Variants in PLB1 observed in about 807,000 individuals in gnomAD.
PLB1 encodes phospholipase B1.
PLB1 carries 242 observed loss-of-function variants against 227.4 expected under a neutral mutation model. The observed-to-expected ratio is 1.06, with a 90% CI of 0.96 to 1.18. The LOEUF (loss-of-function observed/expected upper bound fraction) is 1.18. Ranked by LOEUF, PLB1 falls within the 50% of genes most tolerant of loss-of-function variation. The pLI, the probability that PLB1 is intolerant of heterozygous loss-of-function variation, is 0.00. For missense variants in PLB1, 1,858 were observed against 1,816.3 expected, an observed-to-expected ratio of 1.02 and a Z score of -0.42; for synonymous variants, 757 against 682.2, an observed-to-expected ratio of 1.11 and a Z score of -1.71.
At chr2:28,548,530 T>C (rs1235429472) in intron 14 of PLB1, 1 of 485,508 alleles carries the variant, frequency 2.1e-6, no homozygotes. Flanking sequence ...GGGCCCCACC[T>C]CAACCTCTGC....
chr2:28,611,332 G>T (rs766104114), intron 43 of PLB1, among the ~76,000 whole-genome samples: 2 of 152,132 alleles, frequency 1.3e-5, no homozygotes, highest in African/African-American at 2.4e-5. Flanking sequence ...TTCCAAAAAG[G>T]TCAAGTTTGT....
chr2:28,533,664 G>T (rs370301951), intron 9 of PLB1, among the ~76,000 whole-genome samples: 3 of 152,258 alleles, frequency 2.0e-5, no homozygotes, highest in African/African-American at 7.2e-5. Flanking sequence ...GCAGACATAT[G>T]CTATTGTATT....
chr2:28,559,737 A>G (rs1675729248), intron 17 of PLB1, among the ~76,000 whole-genome samples: 2 of 132,732 alleles, frequency 1.5e-5, no homozygotes, highest in African/African-American at 5.6e-5. Context: ...GCAGGCCTGA[A>G]AGCTTTTTTT....
chr2:28,629,647 G>A (rs1688318780), intron 53 of PLB1, among the ~76,000 whole-genome samples: 1 of 152,206 alleles, frequency 6.6e-6, no homozygotes, highest in Non-Finnish European at 1.5e-5. Context: ...TCCCTGCAAG[G>A]TAGATGTGAG....
At chr2:28,642,065 C>G (rs532200096) in intron 57 of PLB1, among the ~76,000 whole-genome samples, 1 of 152,156 alleles carries the variant, frequency 6.6e-6, no homozygotes, top group Non-Finnish European at 1.5e-5. Flanking sequence ...TGAGAACATC[C>G]GCCTCCCTCC....
chr2:28,637,298 TTAAAAAA>T (rs1458144308), intron 56 of PLB1, among the ~76,000 whole-genome samples: 1 of 121,316 alleles, frequency 8.2e-6, no homozygotes, highest in Non-Finnish European at 1.8e-5. Flanking sequence ...TGTCTCAAAT[TTAAAAAA>T]AAAAAAAAAA....
intron 1 of PLB1, among the ~76,000 whole-genome samples, chr2:28,514,454 T>C (rs903521589): frequency 8.5e-5 from 13 of 152,222 alleles, no homozygotes; most frequent in Admixed American, 2.0e-4. Flanking sequence ...TTAGAATCAG[T>C]TTCTTGATAT....
At chr2:28,515,868 A>C (rs1224944632) in intron 1 of PLB1, among the ~76,000 whole-genome samples, 2 of 152,216 alleles carry the variant, frequency 1.3e-5, no homozygotes, top group Non-Finnish European at 2.9e-5. Flanking sequence ...TAGCTATTGA[A>C]ATAAGCATCA....
chr2:28,566,254 G>GA (rs1371664887), intron 19 of PLB1, among the ~76,000 whole-genome samples: 2 of 151,950 alleles, frequency 1.3e-5, no homozygotes, highest in Non-Finnish European at 2.9e-5. Flanking sequence ...TGGGGTGGGG[G>GA]GGTGTGGAAA....
intron 1 of PLB1, among the ~76,000 whole-genome samples, chr2:28,502,610 A>G (rs1460746969): frequency 6.6e-6 from 1 of 152,126 alleles, no homozygotes; most frequent in Non-Finnish European, 1.5e-5. Context: ...CTTTCCTTAT[A>G]TTGCTAGGCT....
intron 53 of PLB1, 104 bp downstream of exon 53, chr2:28,629,289 C>A: frequency 1.0e-6 from 1 of 992,310 alleles, no homozygotes; most frequent in Non-Finnish European, 1.5e-6. Context: ...GCAGGCCTGC[C>A]AGAGGGTAGA....
intron 46 of PLB1, 89 bp downstream of exon 46, chr2:28,618,488 T>G (rs1005951909): frequency 2.9e-5 from 39 of 1,360,056 alleles, no homozygotes; most frequent in Non-Finnish European, 3.9e-5. Context: ...TTGGCTCCGC[T>G]TTCAGTGCTG....
chr2:28,623,421 A>G (rs1024122850), intron 49 of PLB1, among the ~76,000 whole-genome samples: 3 of 152,198 alleles, frequency 2.0e-5, no homozygotes, highest in Middle Eastern at 3.2e-3. Context: ...CTTATTGCCC[A>G]TGGATTCTCT....
chr2:28,625,222 A>C, intron 50 of PLB1, 114 bp downstream of exon 50: 1 of 999,078 alleles, frequency 1.0e-6, no homozygotes, highest in South Asian at 1.5e-5. Flanking sequence ...TGGGCTAGCC[A>C]AAAGATCCTC....
intron 46 of PLB1, 111 bp from the exon 47 acceptor site, chr2:28,620,154 T>C: frequency 1.5e-6 from 1 of 656,250 alleles, no homozygotes; most frequent in Admixed American, 3.4e-5. Context: ...GCCGGTACTA[T>C]TTTTAGAAAA....
intron 26 of PLB1, 104 bp downstream of exon 26, chr2:28,585,946 G>A: frequency 1.9e-6 from 2 of 1,034,854 alleles, no homozygotes; most frequent in Non-Finnish European, 3.0e-6. Context: ...CCTGTGTGGG[G>A]GATGACCACT....
At chr2:28,634,607 G>GAATT (rs1405406977) in intron 56 of PLB1, among the ~76,000 whole-genome samples, 3 of 152,168 alleles carry the variant, frequency 2.0e-5, no homozygotes, top group African/African-American at 7.2e-5. Context: ...CTTTTCTTGT[G>GAATT]AATTAACAAT....
chr2:28,581,915 C>T (rs1680080980), intron 23 of PLB1, among the ~76,000 whole-genome samples, 153 bp from the exon 24 acceptor site: 1 of 151,428 alleles, frequency 6.6e-6, no homozygotes, highest in Non-Finnish European at 1.5e-5. Flanking sequence ...GAGCCATGAT[C>T]ACACCACTGC....
intron 6 of PLB1, among the ~76,000 whole-genome samples, chr2:28,529,102 C>G (rs1670665687): frequency 6.6e-6 from 1 of 152,032 alleles, no homozygotes; most frequent in Non-Finnish European, 1.5e-5. Flanking sequence ...TGAGCACCAC[C>G]ACACCCGGCT....
Sources: gnomAD v4.1 joint callset for allele counts (sites outside exome capture counted in the v4.1 genomes callset) on GRCh38, gnomAD v4.1.1 for gene constraint, MANE v1.5 for transcripts, NCBI Gene and HGNC (gene_info 2026-07-23, HGNC 2026-07-21) for gene names.